The following SECISBP2 variants were observed in gnomAD, a reference collection of about 807,000 sequenced individuals.
The protein encoded by SECISBP2 is SECIS binding protein 2, also known as selenocysteine insertion sequence-binding protein 2.
SECISBP2 carries 96 observed loss-of-function variants against 98.2 expected under a neutral mutation model. The ratio of observed to expected loss-of-function variants is 0.98; its 90% CI spans 0.83 to 1.16. The LOEUF is 1.16. Among genes scored for constraint, SECISBP2 ranks in the 50% most tolerant of loss-of-function variants. The probability of loss-of-function intolerance (pLI) is 0.00; values close to 1 mark genes in which losing one functional copy is unlikely to be tolerated. For synonymous variants in SECISBP2, 407 were observed against 370.2 expected (o/e 1.10, Z -1.14); for missense variants, 1,046 against 1,022.9 (o/e 1.02, Z -0.31).
chr9:89,355,054 G>A, intron 14 of SECISBP2: 1 of 985,378 alleles, frequency 1.0e-6, no homozygotes, highest in Non-Finnish European at 1.2e-6. Flanking sequence ...GTAGATCAGG[G>A]GCAGGGTGTG....
chr9:89,327,683 A>G (rs1564336769), intron 4 of SECISBP2, among the ~76,000 whole-genome samples: 2 of 152,212 alleles, frequency 1.3e-5, no homozygotes, highest in African/African-American at 4.8e-5. Flanking sequence ...GTCCCACTGG[A>G]AGGTCTTCAG....
intron 2 of SECISBP2, among the ~76,000 whole-genome samples, chr9:89,321,372 A>G (rs2131536357): frequency 6.6e-6 from 1 of 152,360 alleles, no homozygotes; most frequent in African/African-American, 2.4e-5. Flanking sequence ...TGAATTTAAA[A>G]ATTAGTTTTC....
At chr9:89,349,401 C>G (rs1327997434) in intron 12 of SECISBP2, among the ~76,000 whole-genome samples, 2 of 152,128 alleles carry the variant, frequency 1.3e-5, no homozygotes, top group Admixed American at 1.3e-4. Flanking sequence ...AAACTTAGAA[C>G]TAAAATCCTG....
intron 8 of SECISBP2, among the ~76,000 whole-genome samples, chr9:89,339,508 A>T (rs1436572940): frequency 1.3e-5 from 2 of 152,244 alleles, no homozygotes; most frequent in African/African-American, 2.4e-5. Context: ...CACCAGAGAT[A>T]ACATGTAAAT....
chr9:89,347,188 C>G, intron 11 of SECISBP2, 140 bp downstream of exon 11: 1 of 865,100 alleles, frequency 1.2e-6, no homozygotes, highest in East Asian at 2.7e-5. Context: ...GTTAATGATA[C>G]TCCAACAAAT....
chr9:89,324,310 AAG>A (rs869178106), intron 2 of SECISBP2: 10 of 152,226 alleles, frequency 6.6e-5, no homozygotes, highest in Admixed American at 3.9e-4. Flanking sequence ...GGTCAGTAAA[AAG>A]GGGTTTATTT....
At position 89,350,776 on chromosome 9, in the gene SECISBP2, G is replaced by C; in HGVS notation, c.2037G>C (p.Glu679Asp). ...TKRRLVLGLR[E>D]VLKHLKLKKL... is the part of the protein sequence containing the mutation. ...GTCGACTTGTGTTGGGGTTGAGGGA[G>C]GTTCTCAAACACCTGAAGCTCAAAA... Residue 679 changes from glutamate (E) to aspartate (D), a missense_variant, in exon 14 of 17, where the codon GAG becomes GAC. Physicochemically the swap from Glu to Asp is conservative, Grantham distance 45 (BLOSUM62 2). Transcript: ENST00000375807. 1.2e-6 allele frequency: 2 copies of C among 1,614,174 alleles called. No individual in the cohort carries two copies. The highest frequency in any genetic ancestry group is 1.7e-6 in the Non-Finnish European group (2 of 1,180,028).
At chr9:89,364,500 G>C (rs189494545), downstream of SECISBP2, 13 of 193,590 alleles carry the variant, frequency 6.7e-5, no homozygotes, top group Admixed American at 3.2e-4. Flanking sequence ...ACAGGCTGGA[G>C]AGCTCAGACC....
chr9:89,363,348 C>T (rs575374863), downstream of SECISBP2: 115 of 1,578,924 alleles, frequency 7.3e-5, 4 homozygotes, highest in South Asian at 1.3e-3. Context: ...CTGAATGGGG[C>T]CCTTGAAAGA....
intron 6 of SECISBP2, among the ~76,000 whole-genome samples, chr9:89,333,236 G>A (rs990129277): frequency 2.0e-5 from 3 of 152,168 alleles, no homozygotes; most frequent in East Asian, 3.8e-4. Flanking sequence ...GAAATTTTAT[G>A]AACTCAGCAG....
chr9:89,354,885 C>G, intron 14 of SECISBP2: 1 of 985,426 alleles, frequency 1.0e-6, no homozygotes, highest in Non-Finnish European at 1.2e-6. Flanking sequence ...CCCTGACAAA[C>G]TGAATATAGA....
chr9:89,329,933 A>G (rs1827470349), intron 5 of SECISBP2: 1 of 152,242 alleles, frequency 6.6e-6, no homozygotes, highest in African/African-American at 2.4e-5. Flanking sequence ...AAATTGAAAT[A>G]CATTAAGTCC....
intron 5 of SECISBP2, 119 bp downstream of exon 5, chr9:89,329,005 T>A (rs1827263325): frequency 1.2e-6 from 1 of 830,948 alleles, no homozygotes; most frequent in African/African-American, 1.7e-5. Context: ...GGGGAGGATG[T>A]ATTGGGGGAA....
Position 89,319,638 on chromosome 9 carries a change from A to G in SECISBP2, c.37-14A>G, listed in dbSNP as rs777066540. 18 of 1,614,068 alleles carry G rather than the reference A, an allele frequency of 1.1e-5. No homozygotes were observed. Among genetic ancestry groups the G allele is most frequent in the Non-Finnish European group, 1.2e-5 (14 of 1,179,972 alleles). On this transcript the variant is annotated splice_polypyrimidine_tract_variant and intron_variant, in intron 1 of 16. Coordinates refer to ENST00000375807, the MANE Select transcript of SECISBP2 (RefSeq NM_024077.5). ...TCTGAATGTTTGTGGCCAAAACCTC[A>G]TATTTTTCCTCAGGGCATCAAGTTA...
chr9:89,330,317 T>A (rs897011943), intron 5 of SECISBP2: 6 of 152,196 alleles, frequency 3.9e-5, no homozygotes, highest in Middle Eastern at 3.2e-3. Flanking sequence ...CTCAAATGGA[T>A]TGATTTGAGA....
intron 5 of SECISBP2, 78 bp from the exon 6 acceptor site, chr9:89,332,830 C>T (rs1827977668): frequency 7.8e-6 from 9 of 1,149,632 alleles, no homozygotes; most frequent in East Asian, 2.4e-5. Flanking sequence ...TCAAAGTGTT[C>T]TGGATTTTGA....
chr9:89,332,837 T>G (rs1827978969), intron 5 of SECISBP2, 71 bp from the exon 6 acceptor site: 2 of 1,218,968 alleles, frequency 1.6e-6, no homozygotes, highest in Non-Finnish European at 2.4e-6. Context: ...GTTCTGGATT[T>G]TGATATGTAG....
At chr9:89,344,833 T>A (rs1830198566) in intron 10 of SECISBP2, among the ~76,000 whole-genome samples, 1 of 152,236 alleles carries the variant, frequency 6.6e-6, no homozygotes, top group African/African-American at 2.4e-5. Flanking sequence ...TCTAAATAGA[T>A]TATAAACCAA....
At chr9:89,331,533 A>C (rs898671784) in intron 5 of SECISBP2, among the ~76,000 whole-genome samples, 3 of 152,146 alleles carry the variant, frequency 2.0e-5, no homozygotes, top group African/African-American at 7.2e-5. Context: ...ATTTACTTTT[A>C]CCTCTGGTGT....
Sources: gnomAD v4.1 joint callset for allele counts (sites outside exome capture counted in the v4.1 genomes callset) on GRCh38, gnomAD v4.1.1 for gene constraint, MANE v1.5 for transcripts, NCBI Gene and HGNC (gene_info 2026-07-23, HGNC 2026-07-21) for gene names.